Variants in NOX4 observed in about 807,000 individuals in gnomAD.
NOX4 encodes the protein kidney oxidase-1.
In NOX4, 69 loss-of-function variants were observed where a neutral mutation model predicts 87.6. That is an observed-to-expected ratio of 0.79 (90% CI 0.65 to 0.96). NOX4 has a LOEUF of 0.96. Ranked by LOEUF, NOX4 falls within the 40% of genes least tolerant of loss-of-function variation. The pLI, the probability that NOX4 is intolerant of heterozygous loss-of-function variation, is 0.00. For synonymous variants in NOX4, 275 were observed against 238.2 expected (o/e 1.15, Z -1.42); for missense variants, 680 against 681.5 (o/e 1.00, Z 0.02).
intron 2 of NOX4, among the ~76,000 whole-genome samples, chr11:89,467,531 A>G (rs1945758723): frequency 6.6e-6 from 1 of 152,150 alleles, no homozygotes; most frequent in South Asian, 2.1e-4. Flanking sequence ...AGGTCAAGGC[A>G]GATTCAGTGT....
intron 11 of NOX4, among the ~76,000 whole-genome samples, chr11:89,384,961 C>A (rs572660872): frequency 6.6e-6 from 1 of 152,090 alleles, no homozygotes; most frequent in Non-Finnish European, 1.5e-5. Context: ...CTTGGTTTAT[C>A]GATGGCAGTT....
chr11:89,331,849 C>T (rs11821838), intron 17 of NOX4, among the ~76,000 whole-genome samples: 28,644 of 151,182 alleles, frequency 0.19, 5,544 homozygotes, highest in African/African-American at 0.5. Context: ...ATATCCTCTC[C>T]GTGTGTGTGC....
In NOX4 at chr11:89,451,974, C is replaced by T. The variant is rs1481324165; in HGVS notation, c.154-79G>A. 18 of 879,266 alleles carry T rather than the reference C, an allele frequency of 2.0e-5. No homozygotes were observed. The South Asian group carries it at 2.3e-4, about 11-fold the overall frequency. The allele number at this position is 879,266 out of a possible 1,614,324, so 54.5% of individuals were successfully genotyped here. ...TCCTGGCTCTAGAAGCTAGAGGTCT[C>T]ACCCTATTGCTCTTTTAAGAATCAT... On this transcript the variant is annotated intron_variant, in intron 2 of 17. Transcript: ENST00000263317.
At chr11:89,446,124 A>G (rs1385889684) in intron 4 of NOX4, among the ~76,000 whole-genome samples, 2 of 152,164 alleles carry the variant, frequency 1.3e-5, no homozygotes, top group African/African-American at 4.8e-5. Context: ...GATCCACATT[A>G]TATAACATCA....
chr11:89,535,724 T>C, the NOX4 span, among the ~76,000 whole-genome samples: 1 of 152,056 alleles, frequency 6.6e-6, no homozygotes, highest in African/African-American at 2.4e-5. Flanking sequence ...AACTAAAGAG[T>C]GTAGCATATA....
intron 12 of NOX4, among the ~76,000 whole-genome samples, chr11:89,371,767 C>T (rs879607146): frequency 7.3e-5 from 11 of 151,686 alleles, no homozygotes; most frequent in Non-Finnish European, 1.2e-4. Context: ...GTATACCTAT[C>T]AGAGGACGAC....
At chr11:89,441,884 T>C (rs1944469742) in intron 5 of NOX4, among the ~76,000 whole-genome samples, 1 of 150,154 alleles carries the variant, frequency 6.7e-6, no homozygotes, top group African/African-American at 2.4e-5. Flanking sequence ...AGAAGAACAA[T>C]AGGGTATATT....
chr11:89,349,848 T>G (rs1946382011), intron 13 of NOX4, among the ~76,000 whole-genome samples: 1 of 152,162 alleles, frequency 6.6e-6, no homozygotes. Flanking sequence ...GTGGATAAAA[T>G]TATACCAGAT....
At chr11:89,503,519 G>C in the NOX4 span, among the ~76,000 whole-genome samples, 1 of 151,710 alleles carries the variant, frequency 6.6e-6, no homozygotes, top group African/African-American at 2.4e-5. Context: ...TGGACATGCT[G>C]TTGTTTTACT....
At position 89,359,951 on chromosome 11, in the gene NOX4, C is replaced by T. The variant is rs1938389996; in HGVS notation, c.1136-4908G>A. ...TTAATGCTCACATTATACTAATTTG[C>T]CAGTTTTAATTTTTTTTAAATGGCA... On this transcript the variant is annotated intron_variant, in intron 12 of 17. Transcript: ENST00000263317. Among the ~76,000 whole-genome samples, 3 of 151,724 alleles carry T rather than the reference C, an allele frequency of 2.0e-5. No individual in the cohort carries two copies. In the South Asian group the frequency reaches 6.2e-4, roughly 32 times the overall value.
the NOX4 span, among the ~76,000 whole-genome samples, chr11:89,568,978 C>T: frequency 1.3e-5 from 2 of 152,136 alleles, no homozygotes; most frequent in African/African-American, 4.8e-5. Flanking sequence ...AGGATTGAAG[C>T]TGGACCCCTT....
chr11:89,491,208 C>T lies in NOX4; in HGVS notation c.39G>A (p.Gly13=). ...VSWRSWLANE[G]VKHLCLFIWL... ...ATCCTACCAGGCAGAGGTGTTTAAC[C>T]CCTTCGTTGGCGAGCCAGCTCCTCC... The change falls in exon 1 of 18, where the codon GGG becomes GGA. Residue 13 remains glycine, a synonymous_variant. Coordinates refer to ENST00000263317, the MANE Select transcript of NOX4 (RefSeq NM_016931.5). 6.2e-7 allele frequency: 1 copy of T among 1,613,880 alleles called. No individual in the cohort carries two copies. Among genetic ancestry groups the T allele is most frequent in the Non-Finnish European group, 8.5e-7 (1 of 1,179,908 alleles).
the NOX4 span, among the ~76,000 whole-genome samples, chr11:89,507,739 C>A: frequency 2.0e-5 from 3 of 151,566 alleles, no homozygotes; most frequent in East Asian, 5.8e-4. Context: ...TTCTGCAGTA[C>A]CCAGCCTAGT....
At chr11:89,483,956 C>T (rs1043489074) in intron 2 of NOX4, among the ~76,000 whole-genome samples, 11 of 152,086 alleles carry the variant, frequency 7.2e-5, no homozygotes, top group African/African-American at 2.4e-4. Flanking sequence ...TTCTGTCCCT[C>T]ACTAGCAAGT....
rs574044140 is a variant in NOX4 at position 89,456,317 on chromosome 11, A to G, written c.154-4422T>C. The stretch of plus-strand genomic sequence containing the variant: ...TAAATAATAAGTACATTTAGAATAC[A>G]TATATTTTGACAAATATAAATGCAC... On this transcript the variant is annotated intron_variant, in intron 2 of 17. Coordinates refer to ENST00000263317, the MANE Select transcript of NOX4 (RefSeq NM_016931.5). 2.0e-5 allele frequency among the ~76,000 whole-genome samples: 3 copies of G among 152,364 alleles called. No individual in the cohort carries two copies. The East Asian group carries it at 5.8e-4, about 29-fold the overall frequency.
chr11:89,446,014 TAACAAGAAAACA>T (rs919957692), intron 4 of NOX4, among the ~76,000 whole-genome samples: 2 of 152,028 alleles, frequency 1.3e-5, no homozygotes, highest in Non-Finnish European at 2.9e-5. Flanking sequence ...TAAAATTCAA[TAACAAGAAAACA>T]AACAACCCAA....
chr11:89,400,849 GTA>G (rs35185652), intron 9 of NOX4, among the ~76,000 whole-genome samples: 62,442 of 149,862 alleles, frequency 0.42, 13,437 homozygotes, highest in East Asian at 0.56. Flanking sequence ...CATATAATAT[GTA>G]TATATATATA....
At chr11:89,532,672 A>G in the NOX4 span, among the ~76,000 whole-genome samples, 1 of 152,108 alleles carries the variant, frequency 6.6e-6, no homozygotes, top group Admixed American at 6.5e-5. Flanking sequence ...AAAATTTCAG[A>G]AGGACATGAG....
rs1316773702 is a variant in NOX4, at chr11:89,462,004, A to T, written c.154-10109T>A. ...TCTGCTACTTTTGGGAAGAAAGAAG[A>T]AAAAAAAAAGGAAGAAAGGAAGCAA... On this transcript the variant is annotated intron_variant, in intron 2 of 17. Transcript: ENST00000263317. Among the ~76,000 whole-genome samples, 24 of 142,984 alleles carry T rather than the reference A, an allele frequency of 1.7e-4. 1 individual carries two copies. 93.8% of individuals were successfully genotyped at this position (142,984 alleles called of 152,430 possible).
Sources: allele counts gnomAD v4.1 joint callset (sites outside exome capture counted in the v4.1 genomes callset), GRCh38; gene constraint gnomAD v4.1.1; transcripts MANE v1.5; gene names NCBI Gene and HGNC (gene_info 2026-07-23, HGNC 2026-07-21).